GMPS: variants seen among roughly 807,000 people sequenced by gnomAD.
GMPS encodes guanosine monophosphate synthase.
Under a neutral mutation model 77.9 loss-of-function variants are expected in GMPS, and 15 were observed. The observed-to-expected ratio is 0.19, with a 90% confidence interval of 0.13 to 0.30. GMPS has a LOEUF of 0.30. Ranked by LOEUF, GMPS falls within the 10% of genes least tolerant of loss-of-function variation. The pLI is 1.00. For synonymous variants in GMPS, 224 were observed against 275.9 expected (o/e 0.81, Z 1.86); for missense variants, 590 against 838.8 (o/e 0.70, Z 3.66).
intron 1 of GMPS, among the ~76,000 whole-genome samples, chr3:155,875,897 A>G (rs1001593492): frequency 3.3e-5 from 5 of 152,178 alleles, no homozygotes; most frequent in African/African-American, 1.2e-4. Context: ...AGTTAAGTCT[A>G]TACACTCATT....
intron 13 of GMPS, among the ~76,000 whole-genome samples, chr3:155,934,662 T>C (rs915209979): frequency 6.6e-6 from 1 of 152,222 alleles, no homozygotes; most frequent in Non-Finnish European, 1.5e-5. Flanking sequence ...TAATCACTTA[T>C]ATCTTTGCAC....
intron 1 of GMPS, among the ~76,000 whole-genome samples, chr3:155,871,812 C>T (rs995932185): frequency 1.3e-5 from 2 of 152,232 alleles, no homozygotes; most frequent in African/African-American, 4.8e-5. Context: ...CACGTTTGAC[C>T]GCTGCTGCTC....
At chr3:155,871,010 C>T (rs1753891388) in intron 1 of GMPS, 113 bp downstream of exon 1, 10 of 1,010,304 alleles carry the variant, frequency 9.9e-6, no homozygotes, top group Non-Finnish European at 1.3e-5. Context: ...GTCCGCGCAG[C>T]CCTGCGCCCC....
chr3:155,877,185 A>T (rs928623170), intron 1 of GMPS, among the ~76,000 whole-genome samples: 1 of 152,194 alleles, frequency 6.6e-6, no homozygotes, highest in African/African-American at 2.4e-5. Flanking sequence ...TCTCTGATTA[A>T]TTTGGGAAAT....
In GMPS at chr3:155,916,187, G is replaced by A. The variant is rs759771980; in HGVS notation, c.1207G>A (p.Glu403Lys). ...CACAGAGCTCATCAGAAAGTTGAGA[G>A]AGGAGGTAAAAGTTTATGAAAACTT... ...NDTELIRKLREEGKVIEPLKD... is the reference protein window; with the variant it reads ...NDTELIRKLRKEGKVIEPLKD... The change falls in exon 9 of 16, where the codon GAG (glutamate) becomes AAG (lysine). Residue 403 changes from glutamate to lysine, a missense_variant. Around this residue, in one of 6 missense-constraint regions of GMPS, gnomAD observed 64 missense variants for 114.5 expected, o/e 0.56. Coordinates refer to ENST00000496455, the MANE Select transcript of GMPS (RefSeq NM_003875.3). 1 of 1,605,332 alleles carries A rather than the reference G, an allele frequency of 6.2e-7. No individual in the cohort carries two copies. Among genetic ancestry groups the A allele is most frequent in the Non-Finnish European group, 8.5e-7 (1 of 1,175,802 alleles).
intron 9 of GMPS, among the ~76,000 whole-genome samples, chr3:155,918,498 G>A (rs1056743518): frequency 6.6e-6 from 1 of 151,950 alleles, no homozygotes; most frequent in African/African-American, 2.4e-5. Context: ...TATATGAAGT[G>A]GTATATCTCA....
rs1445284035 is a variant in GMPS, at chr3:155,943,266, C to G, written c.*5574C>G. 3 of 180,144 alleles carry G rather than the reference C, an allele frequency of 1.7e-5. No individual in the cohort carries two copies. Among genetic ancestry groups the G allele is most frequent in the African/African-American group, 7.1e-5 (3 of 42,348 alleles). 11.2% of individuals were successfully genotyped at this position (180,144 alleles called of 1,614,324 possible). The stretch of plus-strand genomic sequence containing the variant: ...ACAACATATTTGTTCACTTTTGAAC[C>G]CTGTGGTGTCTTTTAACTTTGTTAA... On this transcript the variant is annotated 3_prime_UTR_variant, in exon 16 of 16. Coordinates refer to ENST00000496455, the MANE Select transcript of GMPS (RefSeq NM_003875.3).
At chr3:155,875,798 G>A (rs1338034732) in intron 1 of GMPS, among the ~76,000 whole-genome samples, 1 of 152,122 alleles carries the variant, frequency 6.6e-6, no homozygotes, top group African/African-American at 2.4e-5. Flanking sequence ...CTTTATTATA[G>A]TAAAAACATA....
intron 11 of GMPS, among the ~76,000 whole-genome samples, chr3:155,924,171 G>A (rs777178091): frequency 1.3e-4 from 20 of 152,194 alleles, no homozygotes; most frequent in Non-Finnish European, 2.5e-4. Context: ...GAGCCACTGG[G>A]CCCGGCTGAG....
Position 155,941,388 on chromosome 3 carries a change from GC to G in GMPS, c.*3697del, listed in dbSNP as rs1755886746. 1 of 169,274 alleles carries G rather than the reference GC, an allele frequency of 5.9e-6. No homozygotes were observed. Among genetic ancestry groups the G allele is most frequent in the African/African-American group, 2.7e-5 (1 of 36,942 alleles). The allele number at this position is 169,274 out of a possible 1,614,324, so 10.5% of individuals were successfully genotyped here. On this transcript the variant is annotated 3_prime_UTR_variant, in exon 16 of 16. Coordinates refer to ENST00000496455, the MANE Select transcript of GMPS (RefSeq NM_003875.3). ...CACTGCACTCCGGCCTGGTGAAAGAGCGAGACTCAGTCTCAAAAAAAAAAAA... is the reference window on the plus strand; with the variant it reads ...CACTGCACTCCGGCCTGGTGAAAGAGGAGACTCAGTCTCAAAAAAAAAAAA...
At chr3:155,931,967 C>T in intron 13 of GMPS, 87 bp downstream of exon 13, 1 of 671,912 alleles carries the variant, frequency 1.5e-6, no homozygotes, top group South Asian at 1.8e-5. Context: ...GACCAAAAGG[C>T]TCAAATGTAG....
chr3:155,873,780 G>A (rs1014912523), intron 1 of GMPS, among the ~76,000 whole-genome samples: 1 of 151,494 alleles, frequency 6.6e-6, no homozygotes. Context: ...AACTACAGGC[G>A]CCCGCCACCA....
intron 9 of GMPS, among the ~76,000 whole-genome samples, 183 bp from the exon 10 acceptor site, chr3:155,919,050 A>G (rs915585007): frequency 6.6e-6 from 1 of 152,240 alleles, no homozygotes; most frequent in African/African-American, 2.4e-5. Context: ...AATAATACCC[A>G]TAAGATATTC....
chr3:155,930,013 A>G (rs1288983316), intron 12 of GMPS, among the ~76,000 whole-genome samples: 1 of 150,142 alleles, frequency 6.7e-6, no homozygotes, highest in Admixed American at 6.7e-5. Context: ...GGAAAAAACT[A>G]AAGTTCATAT....
At chr3:155,886,568 CA>C (rs371278045) in intron 1 of GMPS, among the ~76,000 whole-genome samples, 2,129 of 44,146 alleles carry the variant, frequency 0.048, 25 homozygotes, top group Middle Eastern at 0.074. Flanking sequence ...GAGTCCATCT[CA>C]AAAAAAAAAA....
intron 1 of GMPS, among the ~76,000 whole-genome samples, chr3:155,871,107 G>C (rs913949762): frequency 2.6e-5 from 4 of 152,066 alleles, no homozygotes; most frequent in Admixed American, 6.5e-5. Flanking sequence ...TCTTGTCTGC[G>C]TGTCGAGGTC....
intron 7 of GMPS, among the ~76,000 whole-genome samples, chr3:155,912,124 T>C (rs1321476645): frequency 6.6e-6 from 1 of 152,226 alleles, no homozygotes; most frequent in Non-Finnish European, 1.5e-5. Flanking sequence ...ATAAAAGTTA[T>C]TGTACATATT....
At chr3:155,889,860 A>C (rs1754422105) in intron 1 of GMPS, among the ~76,000 whole-genome samples, 1 of 152,100 alleles carries the variant, frequency 6.6e-6, no homozygotes, top group Admixed American at 6.5e-5. Flanking sequence ...TATTCACCTT[A>C]AGTCTTTAGG....
At chr3:155,901,501 T>C (rs973648988) in intron 3 of GMPS, among the ~76,000 whole-genome samples, 21 of 152,148 alleles carry the variant, frequency 1.4e-4, no homozygotes, top group Admixed American at 3.3e-4. Flanking sequence ...CACAAAATTT[T>C]CTCTAGGGTA....
Sources: allele counts gnomAD v4.1 joint callset (sites outside exome capture counted in the v4.1 genomes callset), GRCh38; gene constraint gnomAD v4.1.1; regional missense constraint gnomAD v4.1.1; transcripts MANE v1.5; gene names NCBI Gene and HGNC (gene_info 2026-07-23, HGNC 2026-07-21).